Variants in RAPH1 observed in about 807,000 individuals in gnomAD.
RAPH1 encodes Ras association (RalGDS/AF-6) and pleckstrin homology domains 1, also known as ras-associated and pleckstrin homology domains-containing protein 1.
A neutral mutation model predicts 88.1 loss-of-function variants in RAPH1; 18 were observed. The ratio of observed to expected loss-of-function variants is 0.20; its 90% CI spans 0.14 to 0.30. RAPH1 has a LOEUF of 0.30. RAPH1 is among the 10% of genes least tolerant of loss of function. The pLI is 1.00. For missense variants in RAPH1, 1,448 were observed against 1,543.2 expected (o/e 0.94, Z 1.03); for synonymous variants, 587 against 559.0 (o/e 1.05, Z -0.71).
At chr2:203,526,500 A>T (rs776374929) in intron 1 of RAPH1, among the ~76,000 whole-genome samples, 2 of 152,042 alleles carry the variant, frequency 1.3e-5, no homozygotes, top group Non-Finnish European at 1.5e-5. Context: ...CAAGGCAGGC[A>T]GATCACCTGA....
intron 4 of RAPH1, among the ~76,000 whole-genome samples, chr2:203,471,981 C>T (rs2098533543): frequency 6.6e-6 from 1 of 152,070 alleles, no homozygotes; most frequent in African/African-American, 2.4e-5. Context: ...TTGGCTCCTC[C>T]ATAAAGACAC....
At chr2:203,517,354 A>T (rs2264900) in intron 1 of RAPH1, among the ~76,000 whole-genome samples, 6 of 121,682 alleles carry the variant, frequency 4.9e-5, no homozygotes, top group Admixed American at 9.1e-5. Context: ...TCAAACTATG[A>T]GAGGCAAAAA....
At chr2:203,493,971 C>CA (rs397937732) in intron 2 of RAPH1, among the ~76,000 whole-genome samples, 1,137 of 18,922 alleles carry the variant, frequency 0.06, 82 homozygotes, top group East Asian at 0.11. Flanking sequence ...GACTCTATCT[C>CA]AAAAAAAAAA....
chr2:203,510,172 T>C (rs918927697), intron 1 of RAPH1, among the ~76,000 whole-genome samples: 3 of 151,864 alleles, frequency 2.0e-5, no homozygotes, highest in Non-Finnish European at 2.9e-5. Flanking sequence ...TTACCACTCA[T>C]TACTGATAAA....
chr2:203,448,192 T>A lies in RAPH1; in HGVS notation c.1513-113A>T. On this transcript the variant is annotated intron_variant, in intron 11 of 13. Transcript: ENST00000319170. The surrounding 1 kb of genome is among the most constrained non-coding windows in gnomAD (Gnocchi z 4.1). ...TACTGATTGATGGTCTGTATTAAAATTAATACCTATGATAGTTCAAAAATT... is the reference window on the plus strand; with the variant it reads ...TACTGATTGATGGTCTGTATTAAAAATAATACCTATGATAGTTCAAAAATT... 1 of 970,784 alleles carries A rather than the reference T, an allele frequency of 1.0e-6. No homozygotes were observed. The highest frequency in any genetic ancestry group is 1.5e-6 in the Non-Finnish European group (1 of 660,538). The allele number at this position is 970,784 out of a possible 1,614,324, so 60.1% of individuals were successfully genotyped here. A position where few individuals can be genotyped will look rare whatever the true frequency, so the allele number is the denominator to read the frequency against.
intron 1 of RAPH1, among the ~76,000 whole-genome samples, chr2:203,529,005 A>ATATATATATTTTTTTT (rs1553633903): frequency 9.7e-5 from 4 of 41,148 alleles, no homozygotes; most frequent in Admixed American, 4.1e-4. Flanking sequence ...ATATATATAT[A>ATATATATATTTTTTTT]TTTTTTTTTT....
chr2:203,439,952 T>A lies in RAPH1; in HGVS notation c.3238A>T (p.Thr1080Ser). Residue 1080 changes from threonine (T) to serine (S), a missense_variant, in exon 14 of 14, where the codon ACA (threonine) becomes TCA (serine). Physicochemically the swap from Thr to Ser is moderately conservative, Grantham distance 58. Transcript: ENST00000319170. ...TCAATGGGGGGCAGAGGAAGCTCTG[T>A]TTCAGGTGGAGGGGGTGGAAAATCA... Reference protein sequence around the residue: ...DSDFPPPPPETELPLPPIEIP... With the variant: ...DSDFPPPPPESELPLPPIEIP... 6.2e-7 allele frequency: 1 copy of A among 1,613,626 alleles called. No homozygotes were observed. The highest frequency in any genetic ancestry group is 8.5e-7 in the Non-Finnish European group (1 of 1,179,942).
Position 203,435,933 on chromosome 2 carries a change from CAA to C in RAPH1, c.*3502_*3503del, listed in dbSNP as rs1178231785. 4 of 152,162 alleles carry C rather than the reference CAA, an allele frequency of 2.6e-5. No homozygotes were observed. The South Asian group carries it at 8.3e-4, about 31-fold the overall frequency. The allele number at this position is 152,162 out of a possible 1,614,324, so 9.4% of individuals were successfully genotyped here. ...TATAACTTTATGGATTTCCTCGATA[CAA>C]GTTTATTAGTTTATTCTCCATATAC... On this transcript the variant is annotated 3_prime_UTR_variant, in exon 14 of 14. Transcript: ENST00000319170.
rs549255963 is a variant in RAPH1 at position 203,511,486 on chromosome 2, A to T, written c.1-16133T>A. Among the ~76,000 whole-genome samples, 7 of 152,340 alleles carry T rather than the reference A, an allele frequency of 4.6e-5. 1 individual carries two copies. In the South Asian group the frequency reaches 1.4e-3, roughly 32 times the overall value. ...ATGATTTGATTCAATAGCTGCGTTA[A>T]TGACTCTCTGGTAAAAATTAACAAA... is the stretch of plus-strand genomic sequence containing the variant. On this transcript the variant is annotated intron_variant, in intron 1 of 13. Transcript: ENST00000319170.
chr2:203,511,269 T>TAAA (rs368477075), intron 1 of RAPH1, among the ~76,000 whole-genome samples: 2 of 142,270 alleles, frequency 1.4e-5, no homozygotes, highest in African/African-American at 5.1e-5. Context: ...TACATTTCTT[T>TAAA]AAAAAAAAAA....
At chr2:203,495,096 C>T (rs1688453590) in intron 2 of RAPH1, 138 bp downstream of exon 2, 5 of 862,142 alleles carry the variant, frequency 5.8e-6, no homozygotes. Context: ...ACTTCATTTA[C>T]TTGTCAATAC....
chr2:203,434,728 C>CTCATG lies in RAPH1; in HGVS notation c.*4708_*4709insCATGA, dbSNP rs1173090863. 1 of 152,356 alleles carries CTCATG rather than the reference C, an allele frequency of 6.6e-6. No individual in the cohort carries two copies. 9.4% of individuals were successfully genotyped at this position (152,356 alleles called of 1,614,324 possible). On this transcript the variant is annotated 3_prime_UTR_variant, in exon 14 of 14. Coordinates refer to ENST00000319170, the MANE Select transcript of RAPH1 (RefSeq NM_213589.3). ...TTTACTGCCTAAGACGTTGAGGCTG[C>CTCATG]AACAATCATGAGCTTGGTATTAGTA...
intron 10 of RAPH1, among the ~76,000 whole-genome samples, chr2:203,452,546 A>G (rs1248479363): frequency 6.6e-6 from 1 of 152,178 alleles, no homozygotes; most frequent in African/African-American, 2.4e-5. Context: ...TCTCCTGTTG[A>G]TCTCTTATGT....
intron 9 of RAPH1, 74 bp downstream of exon 9, chr2:203,455,363 T>C: frequency 7.2e-7 from 1 of 1,394,270 alleles, no homozygotes; most frequent in South Asian, 1.4e-5. Context: ...GGGTTCACCT[T>C]GTCAGCATAC....
At chr2:203,506,856 CTATATATATATATATATATATATAGATA>C (rs1285082875) in intron 1 of RAPH1, among the ~76,000 whole-genome samples, 2 of 30,776 alleles carry the variant, frequency 6.5e-5, no homozygotes, top group African/African-American at 3.5e-4. Context: ...CTATCTATAT[CTATATATATATATATATATATATAGATA>C]TATATATATA....
intron 1 of RAPH1, among the ~76,000 whole-genome samples, chr2:203,518,514 T>C (rs1209813265): frequency 1.4e-5 from 2 of 141,832 alleles, no homozygotes; most frequent in African/African-American, 5.2e-5. Context: ...TGAGACACCA[T>C]CTCCAAACAA....
intron 4 of RAPH1, among the ~76,000 whole-genome samples, chr2:203,478,674 G>A (rs868382714): frequency 2.0e-5 from 3 of 151,796 alleles, no homozygotes; most frequent in South Asian, 2.1e-4. Flanking sequence ...CTTTTAGTGG[G>A]GATGGGATGT....
Position 203,436,358 on chromosome 2 carries a change from T to A in RAPH1, c.*3079A>T, listed in dbSNP as rs1051011489. The stretch of plus-strand genomic sequence containing the variant: ...ACTAAGGTGGGTATCTGTAAAAACC[T>A]TAAGAATAGTTACTCTTCCCAAGAG... On this transcript the variant is annotated 3_prime_UTR_variant, in exon 14 of 14. Transcript: ENST00000319170. 3 of 152,164 alleles carry A rather than the reference T, an allele frequency of 2.0e-5. No individual in the cohort carries two copies. Among genetic ancestry groups the A allele is most frequent in the African/African-American group, 7.2e-5 (3 of 41,432 alleles). 9.4% of individuals were successfully genotyped at this position (152,164 alleles called of 1,614,324 possible). A position where few individuals can be genotyped will look rare whatever the true frequency, so the allele number is the denominator to read the frequency against.
intron 4 of RAPH1, among the ~76,000 whole-genome samples, chr2:203,483,177 A>G (rs533000996): frequency 2.6e-5 from 4 of 152,184 alleles, no homozygotes; most frequent in Non-Finnish European, 5.9e-5. Flanking sequence ...TTAGGTTTGA[A>G]AAGAGATGAT....
Sources: gnomAD v4.1 joint callset for allele counts (sites outside exome capture counted in the v4.1 genomes callset) on GRCh38, gnomAD v4.1.1 for gene constraint, Gnocchi (gnomAD v3.1) non-coding constraint, MANE v1.5 for transcripts, NCBI Gene and HGNC (gene_info 2026-07-23, HGNC 2026-07-21) for gene names.